Variants in ZNF177 observed in about 807,000 individuals in gnomAD.
ZNF177 encodes the protein zinc finger protein 177.
A neutral mutation model predicts 19.4 loss-of-function variants in ZNF177; 17 were observed. That is an observed-to-expected ratio of 0.87 (90% CI 0.60 to 1.31). The LOEUF (loss-of-function observed/expected upper bound fraction) is 1.31, where lower values mean the gene tolerates loss of function less well. Ranked by LOEUF, ZNF177 falls within the 40% of genes most tolerant of loss-of-function variation. The probability of loss-of-function intolerance (pLI) is 0.00; values close to 1 mark genes in which losing one functional copy is unlikely to be tolerated. For missense variants in ZNF177, 633 were observed against 561.8 expected, an observed-to-expected ratio of 1.13 and a Z score of -1.28; for synonymous variants, 220 against 188.7, an observed-to-expected ratio of 1.17 and a Z score of -1.36.
chr19:9,372,792 C>T (rs1362164553), upstream of ZNF177, among the ~76,000 whole-genome samples: 1 of 152,042 alleles, frequency 6.6e-6, no homozygotes, highest in Non-Finnish European at 1.5e-5. Flanking sequence ...AGCAATCCAC[C>T]CACCTTGGCC....
exon 6 of ZNF177, chr19:9,381,746 G>A (rs773398344): frequency 1.1e-5 from 18 of 1,606,088 alleles, no homozygotes; most frequent in East Asian, 4.5e-5. Context: ...ATGCACAAGC[G>A]AATCCACAAT....
chr19:9,378,412 CT>C, intron 2 of ZNF177, 68 bp downstream of exon 4: 1 of 1,599,150 alleles, frequency 6.3e-7, no homozygotes, highest in East Asian at 2.3e-5. Flanking sequence ...TCTCTTGCCC[CT>C]GACCTGAAGC....
chr19:9,381,042 T>A lies in ZNF177; in HGVS notation c.711T>A (p.Tyr237Ter), dbSNP rs771571047. The A allele has an allele frequency of 3.1e-6, 5 of 1,603,006 alleles. No individual in the cohort carries two copies. The highest frequency in any genetic ancestry group is 4.2e-6 in the Non-Finnish European group (5 of 1,179,344). ...AGAAAGGTGATGAATGCAGTGACTA[T>A]GGCAAAATATCTCCCCTTAGTGTCC... The change falls in exon 6 of 6, where the codon TAT (tyrosine) becomes TAA (stop). Residue 237 changes from tyrosine to a stop codon, truncating the protein, a stop_gained. Coordinates refer to ENST00000589262, the Ensembl canonical transcript of ZNF177. LOFTEE classifies it low-confidence loss of function (END_TRUNC).
At chr19:9,372,540 C>CTTTTTTT (rs61321271), upstream of ZNF177, among the ~76,000 whole-genome samples, 112 of 84,570 alleles carry the variant, frequency 1.3e-3, no homozygotes, top group East Asian at 2.1e-3. Flanking sequence ...CTTTCTTTTC[C>CTTTTTTT]TTTTTTTTTT....
At chr19:9,379,958 AAG>A in intron 4 of ZNF177, 97 bp from the exon 7 acceptor site, 1 of 1,352,846 alleles carries the variant, frequency 7.4e-7, no homozygotes, top group Non-Finnish European at 1.0e-6. Flanking sequence ...CTCTACTTAG[AAG>A]ATATTATTTG....
intron 1 of ZNF177, among the ~76,000 whole-genome samples, 189 bp from the exon 2 acceptor site, chr19:9,364,673 A>G (rs2067953621): frequency 6.6e-6 from 1 of 152,184 alleles, no homozygotes; most frequent in Non-Finnish European, 1.5e-5. Flanking sequence ...TGGAGATGCA[A>G]AGTAAAAAGA....
exon 6 of ZNF177, chr19:9,381,242 G>T: frequency 6.2e-7 from 1 of 1,614,134 alleles, no homozygotes; most frequent in Non-Finnish European, 8.5e-7. Flanking sequence ...AAACACATGA[G>T]ATCTCATACT....
At chr19:9,366,087 A>G (rs2122483130) in intron 2 of ZNF177, among the ~76,000 whole-genome samples, 1 of 152,178 alleles carries the variant, frequency 6.6e-6, no homozygotes, top group African/African-American at 2.4e-5. Flanking sequence ...GGTTCAAGTG[A>G]TTCTCCTGCC....
chr19:9,368,200 C>G (rs896957453), intron 2 of ZNF177, among the ~76,000 whole-genome samples: 1 of 152,126 alleles, frequency 6.6e-6, no homozygotes, highest in African/African-American at 2.4e-5. Context: ...CTAGATTCTT[C>G]TTTTATATTT....
At chr19:9,376,575 T>C (rs2068111963) in intron 1 of ZNF177, among the ~76,000 whole-genome samples, 152 bp downstream of exon 3, 1 of 152,174 alleles carries the variant, frequency 6.6e-6, no homozygotes, top group Non-Finnish European at 1.5e-5. Context: ...TAATATAGGT[T>C]CTTGCTTTGT....
exon 6 of ZNF177, chr19:9,381,076 A>T (rs532016234): frequency 6.2e-7 from 1 of 1,610,500 alleles, no homozygotes; most frequent in South Asian, 1.1e-5. Context: ...CCACACAAAA[A>T]CTGGTAGTGT....
chr19:9,373,937 C>T (rs543769093), upstream of ZNF177, among the ~76,000 whole-genome samples: 13 of 151,496 alleles, frequency 8.6e-5, 1 homozygote, highest in South Asian at 2.7e-3. Flanking sequence ...CTTATTTTTG[C>T]CTTTCTTGCC....
intron 2 of ZNF177, among the ~76,000 whole-genome samples, chr19:9,367,577 C>CTTAT (rs1399661623): frequency 6.6e-6 from 1 of 152,072 alleles, no homozygotes; most frequent in Non-Finnish European, 1.5e-5. Flanking sequence ...TTTGTTTGGA[C>CTTAT]TTATTTTCCT....
At chr19:9,380,615 A>G in intron 5 of ZNF177, 53 bp from the exon 8 acceptor site, 1 of 1,535,810 alleles carries the variant, frequency 6.5e-7, no homozygotes, top group Non-Finnish European at 8.7e-7. Flanking sequence ...AATTCCTGTG[A>G]ATAAGGTGAA....
upstream of ZNF177, among the ~76,000 whole-genome samples, chr19:9,373,407 A>G (rs987414654): frequency 1.2e-4 from 19 of 152,344 alleles, no homozygotes; most frequent in African/African-American, 4.6e-4. Context: ...TGCAATGAAT[A>G]TGAGGTCACA....
At chr19:9,380,233 T>C in intron 5 of ZNF177, 94 bp downstream of exon 7, 1 of 1,392,818 alleles carries the variant, frequency 7.2e-7, no homozygotes. Flanking sequence ...GGGGTAAGAA[T>C]TCAGGCACCA....
upstream of ZNF177, among the ~76,000 whole-genome samples, chr19:9,373,030 T>G (rs1234167353): frequency 6.6e-6 from 1 of 152,194 alleles, no homozygotes; most frequent in Admixed American, 6.5e-5. Flanking sequence ...AGATGCACTC[T>G]CTTGGAAAAT....
At chr19:9,364,253 A>G (rs2063633201) in intron 1 of ZNF177, among the ~76,000 whole-genome samples, 1 of 152,128 alleles carries the variant, frequency 6.6e-6, no homozygotes, top group South Asian at 2.1e-4. Context: ...GAATATACAG[A>G]TGTTCTCCTT....
Position 9,369,340 on chromosome 19 carries a change from T to C in ZNF177, c.-304-2270T>C, listed in dbSNP as rs529472983. Among the ~76,000 whole-genome samples, 9 of 152,284 alleles carry C rather than the reference T, an allele frequency of 5.9e-5. No individual in the cohort carries two copies. In the East Asian group the frequency reaches 1.7e-3, roughly 29 times the overall value. On this transcript the variant is annotated intron_variant, in intron 2 of 8. Coordinates refer to the ZNF177 transcript ENST00000343499. ...AGACTAGAATTTTATATCTTCCTAATTGGTACTTTACATCCTCATGTCATT... is the reference window on the plus strand; with the variant it reads ...AGACTAGAATTTTATATCTTCCTAACTGGTACTTTACATCCTCATGTCATT...
Sources: gnomAD v4.1 joint callset for allele counts (sites outside exome capture counted in the v4.1 genomes callset) on GRCh38, gnomAD v4.1.1 for gene constraint, MANE v1.5 for transcripts, NCBI Gene and HGNC (gene_info 2026-07-23, HGNC 2026-07-21) for gene names.